Variants in NGEF observed in about 807,000 individuals in gnomAD.
NGEF encodes ephexin-1.
NGEF carries 31 observed loss-of-function variants against 80.9 expected under a neutral mutation model. The observed-to-expected ratio is 0.38, with a 90% confidence interval of 0.29 to 0.52. The LOEUF is 0.52. Ranked by LOEUF, NGEF falls within the 20% of genes least tolerant of loss-of-function variation. The pLI is 0.84. For synonymous variants in NGEF, 371 were observed against 370.2 expected, an observed-to-expected ratio of 1.00 and a Z score of -0.03; for missense variants, 709 against 926.2, an observed-to-expected ratio of 0.77 and a Z score of 3.04.
chr2:232,987,710 G>T (rs1694562013), intron 1 of NGEF, among the ~76,000 whole-genome samples: 1 of 152,152 alleles, frequency 6.6e-6, no homozygotes, highest in Non-Finnish European at 1.5e-5. Flanking sequence ...GCTTTGAGCT[G>T]GGGGATTTCT....
chr2:232,993,403 G>A (rs1694714065), intron 1 of NGEF, among the ~76,000 whole-genome samples: 2 of 151,620 alleles, frequency 1.3e-5, no homozygotes, highest in Non-Finnish European at 2.9e-5. Flanking sequence ...GCTGTTAAAA[G>A]AAAGATGGAT....
chr2:232,923,006 G>A (rs1692976849), intron 4 of NGEF, among the ~76,000 whole-genome samples: 1 of 152,030 alleles, frequency 6.6e-6, no homozygotes, highest in South Asian at 2.1e-4. Flanking sequence ...GGGGGCGGAG[G>A]TTGCAGTGAG....
At position 232,881,183 on chromosome 2, in the gene NGEF, G is replaced by C; in HGVS notation, c.1905C>G (p.Leu635=). The C allele has an allele frequency of 6.2e-7, 1 of 1,612,164 alleles. No homozygotes were observed. Among genetic ancestry groups the C allele is most frequent in the East Asian group, 2.2e-5 (1 of 44,854 alleles). The change falls in exon 14 of 15, where the codon CTC becomes CTG. Residue 635 remains leucine (L), a synonymous_variant. Coordinates refer to ENST00000264051, the MANE Select transcript of NGEF (RefSeq NM_019850.3). ...TGTCCAGGATGTTGAGGATGTCGGC[G>C]AGCTCCAGCGTCAGCTCGTCTGGCT... ...AQQPDELTLE[L]ADILNILDKT...
At chr2:232,978,702 C>A (rs1263712771) in intron 1 of NGEF, among the ~76,000 whole-genome samples, 1 of 152,066 alleles carries the variant, frequency 6.6e-6, no homozygotes, top group Non-Finnish European at 1.5e-5. Context: ...CCGGCAACCA[C>A]CAATTAGAGT....
intron 1 of NGEF, among the ~76,000 whole-genome samples, chr2:232,997,489 C>G (rs1694878753): frequency 6.6e-6 from 1 of 152,052 alleles, no homozygotes; most frequent in African/African-American, 2.4e-5. Flanking sequence ...CCCCCGGGCA[C>G]CTTTGGGAAT....
At chr2:232,896,983 G>C (rs1692113923) in intron 5 of NGEF, among the ~76,000 whole-genome samples, 1 of 132,768 alleles carries the variant, frequency 7.5e-6, no homozygotes, top group Admixed American at 7.3e-5. Context: ...GTGGGGTTAA[G>C]GGTGAGGTAG....
intron 5 of NGEF, among the ~76,000 whole-genome samples, chr2:232,914,103 T>C (rs1366251494): frequency 6.6e-6 from 1 of 152,230 alleles, no homozygotes; most frequent in Non-Finnish European, 1.5e-5. Flanking sequence ...AAAGTTTTAC[T>C]GGAACACAGC....
chr2:232,982,756 C>A (rs981926251), intron 1 of NGEF, among the ~76,000 whole-genome samples: 7 of 152,200 alleles, frequency 4.6e-5, no homozygotes, highest in African/African-American at 1.2e-4. Context: ...TCAGGTGATC[C>A]GCCCGCCTCA....
chr2:232,885,039 C>T (rs968413902), intron 10 of NGEF: 12 of 537,156 alleles, frequency 2.2e-5, no homozygotes, highest in East Asian at 1.3e-4. Flanking sequence ...GGGTCTGGGC[C>T]GCACACTAGC....
In NGEF at chr2:232,920,286, C is replaced by T. The variant is rs1399414798; in HGVS notation, c.826G>A (p.Glu276Lys). The T allele has an allele frequency of 1.9e-6, 3 of 1,612,316 alleles. No individual in the cohort carries two copies. Among genetic ancestry groups the T allele is most frequent in the Non-Finnish European group, 1.7e-6 (2 of 1,179,194 alleles). The part of the protein sequence containing the change: ...ILQPEEIKLQ[E>K]AMFELVTSEA... ...CCCCGCCCCTCGGCGCCTGTTACCT[C>T]CTGCAGCTTAATCTCCTCGGGCTGT... is the stretch of plus-strand genomic sequence containing the variant. The change falls in exon 5 of 15, where the codon GAG becomes AAG. Residue 276 changes from glutamate to lysine, a missense_variant and splice_region_variant. Glu to Lys is a moderately conservative substitution (Grantham distance 56, BLOSUM62 1). Transcript: ENST00000264051.
In NGEF at chr2:232,892,850, C is replaced by T; in HGVS notation, c.1142+48G>A. ...GCCTGGGCCAGCACTGGTATGGCTG[C>T]CCCGGGCACCTCCCCCTGCCCCTGA... is the stretch of plus-strand genomic sequence containing the variant. On this transcript the variant is annotated intron_variant, in intron 7 of 14. Coordinates refer to ENST00000264051, the MANE Select transcript of NGEF (RefSeq NM_019850.3). The surrounding 1 kb of genome is among the most constrained non-coding windows in gnomAD (Gnocchi z 4.0). The T allele has an allele frequency of 1.9e-6, 3 of 1,580,740 alleles. No homozygotes were observed. Among genetic ancestry groups the T allele is most frequent in the Non-Finnish European group, 1.7e-6 (2 of 1,157,766 alleles).
chr2:232,980,522 A>G (rs1694390881), intron 1 of NGEF, among the ~76,000 whole-genome samples: 1 of 151,472 alleles, frequency 6.6e-6, no homozygotes, highest in Non-Finnish European at 1.5e-5. Flanking sequence ...TTTTTTTGAC[A>G]GAGTCTTGCT....
At chr2:232,969,572 T>C (rs1694144545) in intron 3 of NGEF, among the ~76,000 whole-genome samples, 1 of 148,464 alleles carries the variant, frequency 6.7e-6, no homozygotes, top group Non-Finnish European at 1.5e-5. Flanking sequence ...GCAGTGGCTC[T>C]ATCTCACCTC....
At chr2:232,958,042 C>T (rs10165078) in intron 3 of NGEF, among the ~76,000 whole-genome samples, 7,510 of 152,242 alleles carry the variant, frequency 0.049, 638 homozygotes, top group African/African-American at 0.17. Context: ...CTTCAGTCAC[C>T]GTGTCCAAGT....
intron 5 of NGEF, among the ~76,000 whole-genome samples, chr2:232,907,036 A>G (rs1692578042): frequency 6.6e-6 from 1 of 151,714 alleles, no homozygotes; most frequent in Admixed American, 6.6e-5. Context: ...CCAGGGACAC[A>G]AACACTCTGC....
chr2:232,918,669 T>C (rs1454107540), intron 5 of NGEF, among the ~76,000 whole-genome samples: 1 of 150,172 alleles, frequency 6.7e-6, no homozygotes, highest in African/African-American at 2.4e-5. Context: ...GAGTCTTGAT[T>C]TGTCACCCAG....
At chr2:232,934,572 G>A (rs907235823) in intron 3 of NGEF, among the ~76,000 whole-genome samples, 3 of 152,062 alleles carry the variant, frequency 2.0e-5, no homozygotes, top group South Asian at 2.1e-4. Flanking sequence ...TTTCCATTGC[G>A]TTTAGTGCTT....
chr2:233,013,041 T>A (rs539551225), intron 1 of NGEF, 27 bp downstream of exon 1: 81 of 459,178 alleles, frequency 1.8e-4, no homozygotes, highest in South Asian at 8.7e-4. Context: ...TTTATTTTTT[T>A]AAAAAATACC....
intron 6 of NGEF, 142 bp downstream of exon 6, chr2:232,894,614 T>A: frequency 1.1e-6 from 1 of 906,252 alleles, no homozygotes; most frequent in African/African-American, 1.7e-5. Flanking sequence ...TAGTTCTTCA[T>A]TTATTTATAT....
Sources: allele counts gnomAD v4.1 joint callset (sites outside exome capture counted in the v4.1 genomes callset), GRCh38; gene constraint gnomAD v4.1.1; non-coding constraint Gnocchi (gnomAD v3.1); transcripts MANE v1.5; gene names NCBI Gene and HGNC (gene_info 2026-07-23, HGNC 2026-07-21).